MYLIP: variants seen among roughly 807,000 people sequenced by gnomAD.
MYLIP encodes E3 ubiquitin-protein ligase MYLIP.
In MYLIP, 26 loss-of-function variants were observed where a neutral mutation model predicts 45.8. That is an observed-to-expected ratio of 0.57 (90% CI 0.42 to 0.79). The LOEUF (loss-of-function observed/expected upper bound fraction) is 0.79, where lower values mean the gene tolerates loss of function less well. Ranked by LOEUF, MYLIP falls within the 30% of genes least tolerant of loss-of-function variation. The probability of loss-of-function intolerance (pLI) is 0.00; values close to 1 mark genes in which losing one functional copy is unlikely to be tolerated. For synonymous variants in MYLIP, 213 were observed against 218.1 expected (o/e 0.98, Z 0.21); for missense variants, 494 against 555.6 (o/e 0.89, Z 1.11).
chr6:16,136,178 C>A (rs1759552541), intron 2 of MYLIP, among the ~76,000 whole-genome samples: 1 of 152,106 alleles, frequency 6.6e-6, no homozygotes, highest in Non-Finnish European at 1.5e-5. Flanking sequence ...AAATTTAGAA[C>A]ATTATCATCA....
chr6:16,133,501 G>A (rs72833422), intron 2 of MYLIP, among the ~76,000 whole-genome samples: 2 of 152,172 alleles, frequency 1.3e-5, no homozygotes, highest in African/African-American at 2.4e-5. Context: ...TTTCAGAGAT[G>A]GAGACAGCAG....
chr6:16,159,794 G>A, the MYLIP span, among the ~76,000 whole-genome samples: 1 of 152,134 alleles, frequency 6.6e-6, no homozygotes, highest in African/African-American at 2.4e-5. Flanking sequence ...CAAGAAGGAT[G>A]GGCAGAATAA....
At chr6:16,145,450 A>G in intron 6 of MYLIP, 133 bp downstream of exon 6, 5 of 1,024,234 alleles carry the variant, frequency 4.9e-6, no homozygotes, top group Non-Finnish European at 5.6e-6. Flanking sequence ...GGGTCTTTGT[A>G]TTTGGTGACC....
chr6:16,151,436 A>G (rs2113593503), downstream of MYLIP, among the ~76,000 whole-genome samples: 1 of 152,320 alleles, frequency 6.6e-6, no homozygotes, highest in Middle Eastern at 3.4e-3. Flanking sequence ...GGAGGGGTCC[A>G]AGGGATATTT....
chr6:16,155,439 C>T, the MYLIP span, among the ~76,000 whole-genome samples: 2 of 152,146 alleles, frequency 1.3e-5, no homozygotes, highest in Non-Finnish European at 2.9e-5. Flanking sequence ...AAAGGAAGGA[C>T]AAAGTGGAAG....
At chr6:16,150,534 G>A (rs1299822020), downstream of MYLIP, among the ~76,000 whole-genome samples, 1 of 152,140 alleles carries the variant, frequency 6.6e-6, no homozygotes, top group Non-Finnish European at 1.5e-5. Flanking sequence ...ATAGAGGAGA[G>A]GAGGGCCTCT....
At chr6:16,142,054 A>G (rs1238874233) in intron 3 of MYLIP, among the ~76,000 whole-genome samples, 1 of 152,228 alleles carries the variant, frequency 6.6e-6, no homozygotes, top group African/African-American at 2.4e-5. Context: ...GACAGAAAGA[A>G]TGGCCATCAG....
intron 6 of MYLIP, among the ~76,000 whole-genome samples, chr6:16,146,447 A>G (rs1276308218): frequency 2.0e-5 from 3 of 152,236 alleles, no homozygotes; most frequent in East Asian, 3.8e-4. Context: ...CCTTCAGTTT[A>G]TACTATGTCA....
downstream of MYLIP, among the ~76,000 whole-genome samples, chr6:16,152,608 T>C (rs761692083): frequency 2.0e-5 from 3 of 152,210 alleles, no homozygotes; most frequent in Non-Finnish European, 4.4e-5. Flanking sequence ...GGTACAGATA[T>C]CTGAGATGTA....
At chr6:16,161,096 C>T in the MYLIP span, 3 of 155,836 alleles carry the variant, frequency 1.9e-5, no homozygotes, top group Non-Finnish European at 4.3e-5. Flanking sequence ...AGAGCGGCTG[C>T]TATGCTCCTC....
At chr6:16,134,829 G>A (rs1182253484) in intron 2 of MYLIP, among the ~76,000 whole-genome samples, 1 of 152,170 alleles carries the variant, frequency 6.6e-6, no homozygotes, top group Non-Finnish European at 1.5e-5. Context: ...TAGGATGTTT[G>A]TGTTATTATA....
intron 2 of MYLIP, among the ~76,000 whole-genome samples, chr6:16,135,567 T>A (rs1454474264): frequency 6.6e-6 from 1 of 152,080 alleles, no homozygotes; most frequent in East Asian, 1.9e-4. Flanking sequence ...AAGCCCTCCA[T>A]GAAGTAGATA....
downstream of MYLIP, among the ~76,000 whole-genome samples, chr6:16,153,198 A>AT: frequency 6.6e-6 from 1 of 152,332 alleles, no homozygotes; most frequent in Non-Finnish European, 1.5e-5. Context: ...CATTGCTAGT[A>AT]ATGTGCCCTA....
At chr6:16,162,276 C>A in the MYLIP span, among the ~76,000 whole-genome samples, 23 of 152,126 alleles carry the variant, frequency 1.5e-4, no homozygotes, top group Non-Finnish European at 2.6e-4. Context: ...TATGTTCAGG[C>A]TCAGAGCAGA....
chr6:16,130,445 T>A, intron 1 of MYLIP, 112 bp from the exon 2 acceptor site: 1 of 1,071,396 alleles, frequency 9.3e-7, no homozygotes, highest in Non-Finnish European at 1.4e-6. Flanking sequence ...TCAGGAATTG[T>A]AACACCATTG....
rs761900524 is a variant in MYLIP, at chr6:16,129,399, G to A, written c.77G>A (p.Cys26Tyr). Reference protein sequence around the residue: ...EVEAKANGEDCLNQVCRRLGI... With the variant: ...EVEAKANGEDYLNQVCRRLGI... ...GAGGCGAAAGCCAACGGCGAGGACTGCCTCAACCAGGTGAGGGCGAGGGGC... is the reference window on the plus strand; with the variant it reads ...GAGGCGAAAGCCAACGGCGAGGACTACCTCAACCAGGTGAGGGCGAGGGGC... The change falls in exon 1 of 7, where the codon TGC becomes TAC. Residue 26 changes from cysteine to tyrosine, a missense_variant. By Grantham distance (194) the Cys-to-Tyr change is radical. Transcript: ENST00000356840. The surrounding 1 kb of genome is among the most constrained non-coding windows in gnomAD (Gnocchi z 5.1). 6.3e-7 allele frequency: 1 copy of A among 1,588,088 alleles called. No homozygotes were observed. The highest frequency in any genetic ancestry group is 1.1e-5 in the South Asian group (1 of 87,422).
chr6:16,130,692 A>C lies in MYLIP; in HGVS notation c.223A>C (p.Lys75Gln). 1 of 1,614,202 alleles carries C rather than the reference A, an allele frequency of 6.2e-7. No homozygotes were observed. Residue 75 changes from lysine to glutamine, a missense_variant, in exon 2 of 7, where the codon AAA (lysine) becomes CAA (glutamine). Coordinates refer to ENST00000356840, the MANE Select transcript of MYLIP (RefSeq NM_013262.4). ...GGATGGGCTAGCCCCTTACAGGCTT[A>C]AACTTAGAGTCAAGTTCTTCGTGGA... is the stretch of plus-strand genomic sequence containing the variant. ...QMDGLAPYRLKLRVKFFVEPH... is the reference protein window; with the variant it reads ...QMDGLAPYRLQLRVKFFVEPH...
chr6:16,145,651 A>G (rs998133505), intron 6 of MYLIP, among the ~76,000 whole-genome samples: 15 of 152,042 alleles, frequency 9.9e-5, no homozygotes, highest in Admixed American at 7.9e-4. Context: ...TGCTTCCTCT[A>G]TTTCAAGTTG....
downstream of MYLIP, among the ~76,000 whole-genome samples, chr6:16,150,250 G>T (rs548980697): frequency 6.6e-6 from 1 of 152,276 alleles, no homozygotes; most frequent in East Asian, 1.9e-4. Context: ...GCAAAGAGGC[G>T]GTCAGCTGTG....
Sources: allele counts gnomAD v4.1 joint callset (sites outside exome capture counted in the v4.1 genomes callset), GRCh38; gene constraint gnomAD v4.1.1; non-coding constraint Gnocchi (gnomAD v3.1); transcripts MANE v1.5; gene names NCBI Gene and HGNC (gene_info 2026-07-23, HGNC 2026-07-21).